DUSP10: variants seen among roughly 807,000 people sequenced by gnomAD.
The protein encoded by DUSP10 is dual specificity protein phosphatase 10.
DUSP10 carries 14 observed loss-of-function variants against 30.8 expected under a neutral mutation model. The ratio of observed to expected loss-of-function variants is 0.46; its 90% CI spans 0.30 to 0.71. The LOEUF (loss-of-function observed/expected upper bound fraction) is 0.71. Among genes scored for constraint, DUSP10 ranks in the 30% least tolerant of loss-of-function variants. The pLI, the probability that DUSP10 is intolerant of heterozygous loss-of-function variation, is 0.08. For missense variants in DUSP10, 550 were observed against 619.4 expected, an observed-to-expected ratio of 0.89 and a Z score of 1.19; for synonymous variants, 254 against 250.4, an observed-to-expected ratio of 1.01 and a Z score of -0.14.
intron 2 of DUSP10, among the ~76,000 whole-genome samples, chr1:221,720,884 C>T (rs1661262380): frequency 6.6e-6 from 1 of 152,170 alleles, no homozygotes; most frequent in South Asian, 2.1e-4. Context: ...ACACTTATCG[C>T]TATCTGAAGT....
At chr1:221,705,674 G>A (rs1007298603) in intron 3 of DUSP10, among the ~76,000 whole-genome samples, 1 of 152,198 alleles carries the variant, frequency 6.6e-6, no homozygotes, top group Non-Finnish European at 1.5e-5. Context: ...ATGTTTGGAA[G>A]GGGTGTCATA....
intron 2 of DUSP10, among the ~76,000 whole-genome samples, chr1:221,723,955 A>C (rs929496893): frequency 6.6e-6 from 1 of 152,224 alleles, no homozygotes; most frequent in African/African-American, 2.4e-5. Flanking sequence ...CCTTCTAATC[A>C]TGTGGATGTC....
chr1:221,702,775 A>G lies in DUSP10; in HGVS notation c.1184-98T>C, dbSNP rs1394242449. 1.6e-6 allele frequency: 2 copies of G among 1,264,548 alleles called. No individual in the cohort carries two copies. The highest frequency in any genetic ancestry group is 4.8e-5 in the Admixed American group (2 of 41,904). The allele number at this position is 1,264,548 out of a possible 1,614,324, so 78.3% of individuals were successfully genotyped here. A position where few individuals can be genotyped will look rare whatever the true frequency, so the allele number is the denominator to read the frequency against. ...TCAACTTTGCAATGCCTTATTTTGT[A>G]TAGAAATAATGAATTAAAACAGTTT... On this transcript the variant is annotated intron_variant, in intron 3 of 3. Coordinates refer to ENST00000366899, the MANE Select transcript of DUSP10 (RefSeq NM_007207.6). This position sits in a 1 kb window ranked among gnomAD's most constrained non-coding sequence, Gnocchi z 4.5.
In DUSP10 at chr1:221,737,359, C is replaced by A. The variant is rs973025794; in HGVS notation, c.811+1575G>T. On this transcript the variant is annotated intron_variant, in intron 2 of 3. Coordinates refer to ENST00000366899, the MANE Select transcript of DUSP10 (RefSeq NM_007207.6). ...AAACTATTACAAATGGGAAATTCCT[C>A]GGTAGGATTTTCTCATTTGTAAGAG... The A allele has an allele frequency of 8.1e-5, 80 of 985,346 alleles. No homozygotes were observed. The African/African-American group carries it at 1.3e-3, about 17-fold the overall frequency. The allele number at this position is 985,346 out of a possible 1,614,324, so 61.0% of individuals were successfully genotyped here. A position where few individuals can be genotyped will look rare whatever the true frequency, so the allele number is the denominator to read the frequency against.
chr1:221,721,073 A>G (rs1341152918), intron 2 of DUSP10, among the ~76,000 whole-genome samples: 5 of 152,240 alleles, frequency 3.3e-5, no homozygotes, highest in Admixed American at 2.6e-4. Flanking sequence ...GTACCCTGAA[A>G]TGGAGCTAAT....
Position 221,706,998 on chromosome 1 carries a change from C to T in DUSP10, c.812-532G>A, listed in dbSNP as rs1660790634. 3.9e-5 allele frequency among the ~76,000 whole-genome samples: 6 copies of T among 152,314 alleles called. No individual in the cohort carries two copies. In the South Asian group the frequency reaches 1.2e-3, roughly 32 times the overall value. On this transcript the variant is annotated intron_variant, in intron 2 of 3. Transcript: ENST00000366899. The surrounding 1 kb of genome is among the most constrained non-coding windows in gnomAD (Gnocchi z 4.6). ...AGGAACATTGGAAGAGACAGGTTAT[C>T]TTGATTATAATCTGGGTACCATCAT...
chr1:221,714,145 A>T (rs1206195828), intron 2 of DUSP10, among the ~76,000 whole-genome samples: 2 of 152,252 alleles, frequency 1.3e-5, no homozygotes, highest in Non-Finnish European at 2.9e-5. Context: ...TTGTCTGGAC[A>T]AAACAACATA....
intron 2 of DUSP10, among the ~76,000 whole-genome samples, chr1:221,727,594 T>C (rs1252192251): frequency 6.6e-6 from 1 of 152,224 alleles, no homozygotes; most frequent in East Asian, 1.9e-4. Flanking sequence ...TGCTGTGCAA[T>C]GGACTATAAT....
At chr1:221,707,569 G>C (rs1660803928) in intron 2 of DUSP10, among the ~76,000 whole-genome samples, 1 of 152,140 alleles carries the variant, frequency 6.6e-6, no homozygotes. Flanking sequence ...CCCTGAACAA[G>C]TGCAATCTCA....
intron 2 of DUSP10, among the ~76,000 whole-genome samples, chr1:221,728,169 C>T (rs1661480456): frequency 1.3e-5 from 2 of 152,228 alleles, no homozygotes; most frequent in Admixed American, 1.3e-4. Flanking sequence ...TGGCACCCTG[C>T]TCTTGCACTT....
At chr1:221,711,696 G>A (rs1328296289) in intron 2 of DUSP10, 1 of 152,232 alleles carries the variant, frequency 6.6e-6, no homozygotes. Context: ...TCTGTGACTT[G>A]TAATATAATA....
chr1:221,711,476 T>TA (rs1174365593), intron 2 of DUSP10, among the ~76,000 whole-genome samples: 2 of 152,230 alleles, frequency 1.3e-5, no homozygotes, highest in African/African-American at 4.8e-5. Context: ...TGGACTCTTC[T>TA]ACAGTTTGCT....
At chr1:221,729,051 C>G (rs6693577) in intron 2 of DUSP10, among the ~76,000 whole-genome samples, 1 of 152,054 alleles carries the variant, frequency 6.6e-6, no homozygotes, top group Non-Finnish European at 1.5e-5. Flanking sequence ...TTCAGTCCCT[C>G]GTATGTAAAT....
At chr1:221,736,452 A>G (rs1039547113) in intron 2 of DUSP10, among the ~76,000 whole-genome samples, 1 of 152,174 alleles carries the variant, frequency 6.6e-6, no homozygotes, top group Non-Finnish European at 1.5e-5. Flanking sequence ...GCTGAAACAC[A>G]ATCTTATCAC....
intron 2 of DUSP10, among the ~76,000 whole-genome samples, chr1:221,726,672 A>C (rs571401273): frequency 6.6e-6 from 1 of 151,460 alleles, no homozygotes; most frequent in Non-Finnish European, 1.5e-5. Flanking sequence ...TAGAAATAGC[A>C]TATAATTTTT....
Position 221,719,046 on chromosome 1 carries a change from C to T in DUSP10, c.812-12580G>A, listed in dbSNP as rs74770780. 6.6e-3 allele frequency among the ~76,000 whole-genome samples: 1,011 copies of T among 152,290 alleles called. 7 individuals are homozygous for T. Among genetic ancestry groups the T allele is most frequent in the African/African-American group, 0.023 (955 of 41,548 alleles). On this transcript the variant is annotated intron_variant, in intron 2 of 3. Coordinates refer to ENST00000366899, the MANE Select transcript of DUSP10 (RefSeq NM_007207.6). ...GTATGGAAGTGCCCAGCCAAAAATG[C>T]TGCATCTGAGTTTGCTTTGAATAAA...
At chr1:221,730,333 T>A (rs1661549329) in intron 2 of DUSP10, among the ~76,000 whole-genome samples, 1 of 152,154 alleles carries the variant, frequency 6.6e-6, no homozygotes, top group Non-Finnish European at 1.5e-5. Flanking sequence ...TTTAAGCTCC[T>A]CAAAGGGAGG....
At position 221,737,010 on chromosome 1, in the gene DUSP10, C is replaced by A. The variant is rs916943038; in HGVS notation, c.811+1924G>T. 4 of 985,400 alleles carry A rather than the reference C, an allele frequency of 4.1e-6. No homozygotes were observed. In the African/African-American group the frequency reaches 7.0e-5, roughly 17 times the overall value. The allele number at this position is 985,400 out of a possible 1,614,324, so 61.0% of individuals were successfully genotyped here. On this transcript the variant is annotated intron_variant, in intron 2 of 3. Coordinates refer to ENST00000366899, the MANE Select transcript of DUSP10 (RefSeq NM_007207.6). ...TCTGACACTGAGGAAGAAGTCTAGG[C>A]TGTCCAGAATCTCAGCTGCATCCAC...
intron 2 of DUSP10, among the ~76,000 whole-genome samples, chr1:221,720,396 C>G (rs1036656229): frequency 3.9e-5 from 6 of 152,204 alleles, no homozygotes; most frequent in African/African-American, 1.4e-4. Context: ...CCCATAAACC[C>G]CATCCATCTC....
Sources: allele counts gnomAD v4.1 joint callset (sites outside exome capture counted in the v4.1 genomes callset), GRCh38; gene constraint gnomAD v4.1.1; non-coding constraint Gnocchi (gnomAD v3.1); transcripts MANE v1.5; gene names NCBI Gene and HGNC (gene_info 2026-07-23, HGNC 2026-07-21).